Variants in RBFOX2 observed in about 807,000 individuals in gnomAD.
RBFOX2 encodes RNA binding protein fox-1 homolog 2.
In RBFOX2, 10 loss-of-function variants were observed where a neutral mutation model predicts 49.1. That is an observed-to-expected ratio of 0.20 (90% CI 0.13 to 0.35). The LOEUF is 0.35. Ranked by LOEUF, RBFOX2 falls within the 10% of genes least tolerant of loss-of-function variation. RBFOX2 has a pLI of 1.00. For synonymous variants in RBFOX2, 183 were observed against 187.4 expected, an observed-to-expected ratio of 0.98 and a Z score of 0.19; for missense variants, 323 against 486.9, an observed-to-expected ratio of 0.66 and a Z score of 3.17.
intron 1 of RBFOX2, among the ~76,000 whole-genome samples, chr22:35,903,438 C>T (rs538471893): frequency 6.6e-6 from 1 of 152,234 alleles, no homozygotes; most frequent in Admixed American, 6.5e-5. Flanking sequence ...CTCTAAAAGG[C>T]AAGTGTTCCT....
At chr22:35,952,000 C>A (rs1449035769) in intron 1 of RBFOX2, among the ~76,000 whole-genome samples, 1 of 152,216 alleles carries the variant, frequency 6.6e-6, no homozygotes, top group Non-Finnish European at 1.5e-5. Context: ...CAGAACTGAT[C>A]AGAGTGGCTC....
intron 2 of RBFOX2, among the ~76,000 whole-genome samples, chr22:35,783,550 G>A (rs1945687225): frequency 6.6e-6 from 1 of 152,074 alleles, no homozygotes; most frequent in African/African-American, 2.4e-5. Flanking sequence ...GTTTGGGGGG[G>A]CACAGCGTGG....
At chr22:35,962,048 G>A (rs1357087186), upstream of RBFOX2, among the ~76,000 whole-genome samples, 1 of 152,108 alleles carries the variant, frequency 6.6e-6, no homozygotes, top group Non-Finnish European at 1.5e-5. Flanking sequence ...TTTTTAAAAA[G>A]AGAACAAAAA....
intron 1 of RBFOX2, among the ~76,000 whole-genome samples, chr22:36,003,966 C>A (rs1254790104): frequency 6.6e-6 from 1 of 152,076 alleles, no homozygotes; most frequent in Non-Finnish European, 1.5e-5. Flanking sequence ...TTGTGGGAGA[C>A]TCTCTTGTGC....
upstream of RBFOX2, among the ~76,000 whole-genome samples, chr22:35,962,011 C>CA (rs1357535494): frequency 1.3e-5 from 2 of 152,156 alleles, no homozygotes; most frequent in Non-Finnish European, 2.9e-5. Flanking sequence ...AGAAAATTCT[C>CA]ACATTCACCT....
At chr22:35,878,059 C>T (rs2045389714) in intron 1 of RBFOX2, among the ~76,000 whole-genome samples, 1 of 151,402 alleles carries the variant, frequency 6.6e-6, no homozygotes, top group Non-Finnish European at 1.5e-5. Flanking sequence ...CACACACACA[C>T]ACACACACAC....
At chr22:35,766,708 AAG>A (rs1323309933) in intron 5 of RBFOX2, among the ~76,000 whole-genome samples, 1 of 152,342 alleles carries the variant, frequency 6.6e-6, no homozygotes, top group Admixed American at 6.5e-5. Flanking sequence ...CAATTTTGGA[AAG>A]AGGGGAGAAA....
exon 1 of RBFOX2, chr22:35,840,463 A>G: frequency 7.1e-7 from 1 of 1,411,594 alleles, no homozygotes; most frequent in East Asian, 2.6e-5. Context: ...AGATGGCTGA[A>G]GGAAGCCCCA....
At chr22:35,937,511 A>C (rs2053225261) in intron 1 of RBFOX2, among the ~76,000 whole-genome samples, 1 of 152,168 alleles carries the variant, frequency 6.6e-6, no homozygotes, top group African/African-American at 2.4e-5. Flanking sequence ...ATACTCTCAA[A>C]TCTGAAAGGC....
chr22:35,867,555 T>C (rs745365674), intron 1 of RBFOX2, among the ~76,000 whole-genome samples: 1 of 152,222 alleles, frequency 6.6e-6, no homozygotes, highest in Non-Finnish European at 1.5e-5. Flanking sequence ...CACCTTGTAA[T>C]AGCCTTTTTA....
At chr22:35,957,073 G>GT (rs1291253928) in intron 1 of RBFOX2, among the ~76,000 whole-genome samples, 2 of 152,188 alleles carry the variant, frequency 1.3e-5, no homozygotes, top group Admixed American at 1.3e-4. Flanking sequence ...AGCATGTGTA[G>GT]TGAGGTATGG....
At chr22:35,769,458 T>C (rs1272797815) in intron 4 of RBFOX2, among the ~76,000 whole-genome samples, 2 of 152,206 alleles carry the variant, frequency 1.3e-5, no homozygotes, top group South Asian at 2.1e-4. Flanking sequence ...GCATTTACTA[T>C]ATACTTATAT....
chr22:35,855,422 T>C (rs1049153376), intron 1 of RBFOX2, among the ~76,000 whole-genome samples: 2 of 152,140 alleles, frequency 1.3e-5, no homozygotes, highest in Non-Finnish European at 2.9e-5. Flanking sequence ...ACTTTTTTTT[T>C]CTGAGACGGG....
At chr22:35,907,402 T>C (rs1045327810) in intron 1 of RBFOX2, among the ~76,000 whole-genome samples, 5 of 152,242 alleles carry the variant, frequency 3.3e-5, no homozygotes, top group African/African-American at 1.2e-4. Context: ...GGGGAAATGA[T>C]GGCTGAATCA....
chr22:35,856,386 C>T (rs1234332760), intron 1 of RBFOX2, among the ~76,000 whole-genome samples: 3 of 152,114 alleles, frequency 2.0e-5, no homozygotes, highest in Non-Finnish European at 2.9e-5. Context: ...TCTCTCATTC[C>T]TGTTTTCTTC....
At chr22:35,787,317 C>A (rs543079721) in intron 2 of RBFOX2, among the ~76,000 whole-genome samples, 1 of 152,158 alleles carries the variant, frequency 6.6e-6, no homozygotes, top group Non-Finnish European at 1.5e-5. Flanking sequence ...GAATTATAGG[C>A]ATGAGCCACT....
exon 2 of RBFOX2, chr22:35,809,787 G>T (rs760297989): frequency 6.2e-7 from 1 of 1,613,660 alleles, no homozygotes; most frequent in African/African-American, 1.3e-5. Flanking sequence ...TACCGTAAGA[G>T]ATCCATTTTG....
At chr22:36,026,932 G>GT (rs1335239644) in intron 1 of RBFOX2, among the ~76,000 whole-genome samples, 3 of 152,156 alleles carry the variant, frequency 2.0e-5, no homozygotes, top group Admixed American at 6.5e-5. Context: ...CAGAGCACAG[G>GT]AAGTCTTTTA....
intron 1 of RBFOX2, among the ~76,000 whole-genome samples, chr22:35,986,215 C>A (rs2057718440): frequency 6.6e-6 from 1 of 152,140 alleles, no homozygotes; most frequent in Non-Finnish European, 1.5e-5. Context: ...AGACACCCCA[C>A]ATAGCACAAA....
Sources: allele counts gnomAD v4.1 joint callset (sites outside exome capture counted in the v4.1 genomes callset), GRCh38; gene constraint gnomAD v4.1.1; transcripts MANE v1.5; gene names NCBI Gene and HGNC (gene_info 2026-07-23, HGNC 2026-07-21).